CMSS1: variants seen among roughly 807,000 people sequenced by gnomAD.
CMSS1 encodes cms1 ribosomal small subunit homolog, also known as protein CMSS1.
A neutral mutation model predicts 43.5 loss-of-function variants in CMSS1; 33 were observed. That is an observed-to-expected ratio of 0.76 (90% CI 0.57 to 1.01). CMSS1 has a LOEUF of 1.01. Ranked by LOEUF, CMSS1 falls within the 50% of genes least tolerant of loss-of-function variation. The pLI is 0.00. For synonymous variants in CMSS1, 115 were observed against 117.2 expected (o/e 0.98, Z 0.12); for missense variants, 313 against 326.4 (o/e 0.96, Z 0.32).
chr3:99,988,658 T>G (rs1468549406), intron 1 of CMSS1, among the ~76,000 whole-genome samples: 1 of 152,212 alleles, frequency 6.6e-6, no homozygotes, highest in Non-Finnish European at 1.5e-5. Context: ...TGATTCTGAC[T>G]GGTAGTTAGA....
intron 1 of CMSS1, among the ~76,000 whole-genome samples, chr3:99,829,439 T>C (rs1559647696): frequency 6.6e-6 from 1 of 152,236 alleles, no homozygotes. Flanking sequence ...TATAGATGAC[T>C]GTTTGAATTC....
At chr3:100,020,354 G>C (rs975218374) in intron 1 of CMSS1, among the ~76,000 whole-genome samples, 1 of 152,226 alleles carries the variant, frequency 6.6e-6, no homozygotes, top group Non-Finnish European at 1.5e-5. Context: ...ACAACCAGAA[G>C]TTGCAAGTTC....
At chr3:99,958,212 T>C (rs1708391703) in intron 1 of CMSS1, among the ~76,000 whole-genome samples, 1 of 129,880 alleles carries the variant, frequency 7.7e-6, no homozygotes, top group African/African-American at 2.8e-5. Context: ...GCATTATTAT[T>C]ATTATTATTA....
chr3:100,074,767 C>T (rs1325307563), intron 1 of CMSS1, among the ~76,000 whole-genome samples: 2 of 129,348 alleles, frequency 1.5e-5, no homozygotes, highest in East Asian at 5.1e-4. Flanking sequence ...GATCTTGGCT[C>T]ACTGCAACCT....
rs1708529677 is a variant in CMSS1, at chr3:99,962,669, G to T, written c.64+144626G>T. On this transcript the variant is annotated intron_variant, in intron 1 of 9. Coordinates refer to ENST00000421999, the MANE Select transcript of CMSS1 (RefSeq NM_032359.4). ...CAAACACATATAGCACTGTAGGCCT[G>T]GTCCTGTTACAGTAAGAAATAGAAT... Among the ~76,000 whole-genome samples, 3 of 152,152 alleles carry T rather than the reference G, an allele frequency of 2.0e-5. No individual in the cohort carries two copies. In the South Asian group the frequency reaches 6.2e-4, roughly 32 times the overall value.
chr3:99,846,157 G>A (rs112237677), intron 1 of CMSS1, among the ~76,000 whole-genome samples: 244 of 151,872 alleles, frequency 1.6e-3, no homozygotes, highest in African/African-American at 5.4e-3. Context: ...CCCTCCCCCC[G>A]TCCCCCACCA....
At chr3:100,034,637 T>C (rs1350965707) in intron 1 of CMSS1, among the ~76,000 whole-genome samples, 3 of 152,222 alleles carry the variant, frequency 2.0e-5, no homozygotes, top group Non-Finnish European at 2.9e-5. Flanking sequence ...TTTAATCTGA[T>C]AGCAAATGTC....
intron 1 of CMSS1, among the ~76,000 whole-genome samples, chr3:99,857,992 G>C (rs1224407919): frequency 6.6e-6 from 1 of 152,084 alleles, no homozygotes; most frequent in African/African-American, 2.4e-5. Context: ...GGCTAATTAG[G>C]AAAGAAAAAG....
At chr3:100,062,172 C>T (rs1057239873) in intron 1 of CMSS1, among the ~76,000 whole-genome samples, 2 of 129,014 alleles carry the variant, frequency 1.6e-5, no homozygotes, top group African/African-American at 3.1e-5. Context: ...AGTGCAGTGG[C>T]GCGATCTTGG....
In CMSS1 at chr3:100,070,103, G is replaced by A. The variant is rs368626642; in HGVS notation, c.65-76870G>A. On this transcript the variant is annotated intron_variant, in intron 1 of 9. Coordinates refer to ENST00000421999, the MANE Select transcript of CMSS1 (RefSeq NM_032359.4). ...GTCATAAGGTATGCAGAAAGAGGCCGTGGATTTGGACAGTGATACCAAACA... is the reference window on the plus strand; with the variant it reads ...GTCATAAGGTATGCAGAAAGAGGCCATGGATTTGGACAGTGATACCAAACA... Among the ~76,000 whole-genome samples the A allele has an allele frequency of 1.4e-4, 22 of 152,300 alleles. No homozygotes were observed. The South Asian group carries it at 3.9e-3, about 27-fold the overall frequency.
chr3:100,100,780 G>T (rs999226663), intron 1 of CMSS1, among the ~76,000 whole-genome samples: 1 of 148,628 alleles, frequency 6.7e-6, no homozygotes, highest in Admixed American at 6.6e-5. Flanking sequence ...ACCTCGCAAG[G>T]TTAGTATCGC....
intron 6 of CMSS1, 47 bp downstream of exon 6, chr3:100,167,887 T>G: frequency 7.8e-7 from 1 of 1,280,080 alleles, no homozygotes; most frequent in Non-Finnish European, 1.1e-6. Flanking sequence ...TCTGAATAAC[T>G]GATATATGCC....
intron 1 of CMSS1, among the ~76,000 whole-genome samples, chr3:100,042,998 A>G (rs912460306): frequency 1.3e-5 from 2 of 152,254 alleles, no homozygotes; most frequent in Non-Finnish European, 2.9e-5. Context: ...AAGAGGGATA[A>G]AGGGCTAACA....
At chr3:99,901,053 G>A (rs1219876677) in intron 1 of CMSS1, among the ~76,000 whole-genome samples, 2 of 152,120 alleles carry the variant, frequency 1.3e-5, no homozygotes, top group Admixed American at 1.3e-4. Context: ...TGGAAATACT[G>A]GATAACATTT....
intron 1 of CMSS1, among the ~76,000 whole-genome samples, chr3:100,129,668 A>G (rs571928049): frequency 6.6e-4 from 101 of 152,296 alleles, no homozygotes; most frequent in African/African-American, 2.4e-3. Context: ...ATTCTCCCCC[A>G]GAGTCTTTAA....
At chr3:99,911,825 A>AC (rs1706798259) in intron 1 of CMSS1, among the ~76,000 whole-genome samples, 1 of 151,226 alleles carries the variant, frequency 6.6e-6, no homozygotes, top group Non-Finnish European at 1.5e-5. Flanking sequence ...CTTCTTCATT[A>AC]TTTTTTTTTC....
At chr3:99,869,097 CTTG>C (rs1944658444) in intron 1 of CMSS1, among the ~76,000 whole-genome samples, 1 of 152,104 alleles carries the variant, frequency 6.6e-6, no homozygotes, top group South Asian at 2.1e-4. Context: ...CTCAGAATGA[CTTG>C]TTATTAGAAT....
At chr3:99,885,682 A>G (rs1305003691) in intron 1 of CMSS1, among the ~76,000 whole-genome samples, 1 of 152,190 alleles carries the variant, frequency 6.6e-6, no homozygotes, top group Non-Finnish European at 1.5e-5. Context: ...TATCTCTGTC[A>G]TCTATTTGTG....
At chr3:99,880,259 G>A (rs756387767) in intron 1 of CMSS1, among the ~76,000 whole-genome samples, 1 of 151,904 alleles carries the variant, frequency 6.6e-6, no homozygotes, top group Non-Finnish European at 1.5e-5. Context: ...AGTTCTTTGG[G>A]TGCCACCTGT....
Sources: gnomAD v4.1 joint callset for allele counts (sites outside exome capture counted in the v4.1 genomes callset) on GRCh38, gnomAD v4.1.1 for gene constraint, MANE v1.5 for transcripts, NCBI Gene and HGNC (gene_info 2026-07-23, HGNC 2026-07-21) for gene names.